Variants in NAALADL2 observed in about 807,000 individuals in gnomAD.
NAALADL2 encodes the protein N-acetylated alpha-linked acidic dipeptidase like 2, also known as inactive N-acetylated-alpha-linked acidic dipeptidase-like protein 2.
NAALADL2 carries 76 observed loss-of-function variants against 87.2 expected under a neutral mutation model. The ratio of observed to expected loss-of-function variants is 0.87; its 90% confidence interval spans 0.72 to 1.05. The LOEUF (loss-of-function observed/expected upper bound fraction) is 1.05, where lower values mean the gene tolerates loss of function less well. NAALADL2 is among the 50% of genes least tolerant of loss of function. The probability of loss-of-function intolerance (pLI) is 0.00; values close to 1 mark genes in which losing one functional copy is unlikely to be tolerated. For missense variants in NAALADL2, 1,089 were observed against 945.8 expected (o/e 1.15, Z -1.99); for synonymous variants, 354 against 331.0 (o/e 1.07, Z -0.75).
intron 3 of NAALADL2, among the ~76,000 whole-genome samples, chr3:174,807,082 G>A (rs1719592939): frequency 6.6e-6 from 1 of 152,114 alleles, no homozygotes; most frequent in Non-Finnish European, 1.5e-5. Context: ...TACTAGAAAT[G>A]TGCTTGTGTA....
chr3:175,262,195 G>A (rs1751153781), intron 4 of NAALADL2, among the ~76,000 whole-genome samples: 1 of 151,984 alleles, frequency 6.6e-6, no homozygotes, highest in Admixed American at 6.6e-5. Context: ...AAATCCTCTA[G>A]TTTTGGCAGC....
At chr3:174,465,806 C>CT (rs201506386) in intron 1 of NAALADL2, among the ~76,000 whole-genome samples, 5 of 151,222 alleles carry the variant, frequency 3.3e-5, no homozygotes, top group East Asian at 3.9e-4. Flanking sequence ...GATATACACA[C>CT]TTTTTTTTTA....
chr3:175,343,189 T>C (rs1402811067), intron 5 of NAALADL2, among the ~76,000 whole-genome samples: 2 of 152,020 alleles, frequency 1.3e-5, no homozygotes, highest in Non-Finnish European at 2.9e-5. Flanking sequence ...TGAATTATAA[T>C]ACCTTTCCCC....
chr3:174,513,253 G>A (rs1349114116), intron 1 of NAALADL2, among the ~76,000 whole-genome samples: 5 of 151,978 alleles, frequency 3.3e-5, no homozygotes, highest in Admixed American at 1.3e-4. Flanking sequence ...TGGGTGTGGC[G>A]TGAGCCACCA....
chr3:175,199,329 T>C (rs1220905587), intron 2 of NAALADL2, among the ~76,000 whole-genome samples: 3 of 152,108 alleles, frequency 2.0e-5, no homozygotes, highest in Non-Finnish European at 4.4e-5. Flanking sequence ...TCACAGTATC[T>C]TTTTTTCTCA....
chr3:174,579,993 AT>A (rs536088155), intron 2 of NAALADL2, among the ~76,000 whole-genome samples: 182 of 152,094 alleles, frequency 1.2e-3, no homozygotes, highest in African/African-American at 4.2e-3. Flanking sequence ...AGAAATTGCT[AT>A]TTTTTTAAGT....
At chr3:174,555,542 C>T (rs9866469) in intron 2 of NAALADL2, among the ~76,000 whole-genome samples, 2,185 of 152,142 alleles carry the variant, frequency 0.014, 53 homozygotes, top group African/African-American at 0.05. Flanking sequence ...TCTGGTGGTC[C>T]GCCGGCCTTG....
At chr3:175,357,961 G>A (rs910665443) in intron 5 of NAALADL2, among the ~76,000 whole-genome samples, 2 of 152,178 alleles carry the variant, frequency 1.3e-5, no homozygotes, top group Non-Finnish European at 2.9e-5. Context: ...CAAAGGTGGG[G>A]AGGTTACCTA....
At chr3:174,846,761 A>G (rs1198232980) in intron 3 of NAALADL2, among the ~76,000 whole-genome samples, 1 of 152,138 alleles carries the variant, frequency 6.6e-6, no homozygotes, top group East Asian at 1.9e-4. Context: ...TCAGCAGGAT[A>G]AAAAATTTTG....
At chr3:175,377,536 A>T (rs1767283052) in intron 5 of NAALADL2, among the ~76,000 whole-genome samples, 1 of 152,122 alleles carries the variant, frequency 6.6e-6, no homozygotes, top group Non-Finnish European at 1.5e-5. Context: ...AATGTTATTG[A>T]TGGGGACGGG....
chr3:175,343,655 G>GTTTTTTTTTTTTTTT (rs113806607), intron 5 of NAALADL2, among the ~76,000 whole-genome samples: 2,201 of 64,486 alleles, frequency 0.034, 466 homozygotes, highest in East Asian at 0.13. Context: ...TCTTGATCAT[G>GTTTTTTTTTTTTTTT]TTTTTTTTTT....
chr3:175,327,425 G>T (rs2110468368), intron 5 of NAALADL2, among the ~76,000 whole-genome samples: 2 of 152,168 alleles, frequency 1.3e-5, no homozygotes, highest in South Asian at 4.1e-4. Flanking sequence ...AAAGTGCTGG[G>T]ATTACAGGCG....
chr3:174,736,612 G>A (rs770503088), intron 2 of NAALADL2, among the ~76,000 whole-genome samples: 1 of 152,070 alleles, frequency 6.6e-6, no homozygotes, highest in Non-Finnish European at 1.5e-5. Flanking sequence ...CTGAGTCCGG[G>A]GTTTTTATGG....
chr3:174,538,799 G>A (rs1013706204), intron 1 of NAALADL2, among the ~76,000 whole-genome samples: 1 of 152,086 alleles, frequency 6.6e-6, no homozygotes, highest in Admixed American at 6.6e-5. Flanking sequence ...TTACCAATCA[G>A]GAAATCTTTG....
At chr3:174,767,163 A>T (rs1387203343) in intron 3 of NAALADL2, among the ~76,000 whole-genome samples, 1 of 152,176 alleles carries the variant, frequency 6.6e-6, no homozygotes, top group Non-Finnish European at 1.5e-5. Context: ...GAAAATTAGC[A>T]CAACTGAGCA....
chr3:174,930,614 CTTTTTTTTT>C (rs760690405), intron 1 of NAALADL2, among the ~76,000 whole-genome samples: 1,258 of 66,848 alleles, frequency 0.019, 70 homozygotes, highest in African/African-American at 0.072. Flanking sequence ...ATAAGATGAA[CTTTTTTTTT>C]TTTTTTTTTT....
At chr3:175,223,344 T>TA (rs1240742341) in intron 2 of NAALADL2, among the ~76,000 whole-genome samples, 1 of 151,984 alleles carries the variant, frequency 6.6e-6, no homozygotes, top group East Asian at 1.9e-4. Context: ...AGTTTGATTT[T>TA]TTTTTTTTTT....
intron 13 of NAALADL2, among the ~76,000 whole-genome samples, chr3:175,772,026 CAT>C (rs1355178323): frequency 6.6e-6 from 1 of 152,130 alleles, no homozygotes; most frequent in African/African-American, 2.4e-5. Flanking sequence ...CCTCCCAAGA[CAT>C]GTGGGGATTA....
At chr3:175,359,893 A>T (rs759652101) in intron 5 of NAALADL2, among the ~76,000 whole-genome samples, 2 of 152,064 alleles carry the variant, frequency 1.3e-5, no homozygotes, top group Non-Finnish European at 2.9e-5. Context: ...TTGTTGCCCC[A>T]CCTTTTCTGA....
Sources: allele counts gnomAD v4.1 joint callset (sites outside exome capture counted in the v4.1 genomes callset), GRCh38; gene constraint gnomAD v4.1.1; transcripts MANE v1.5; gene names NCBI Gene and HGNC (gene_info 2026-07-23, HGNC 2026-07-21).